ZFAT: variants seen among roughly 807,000 people sequenced by gnomAD.
ZFAT encodes zinc finger and AT-hook domain containing, also known as zinc finger protein ZFAT.
A neutral mutation model predicts 117.7 loss-of-function variants in ZFAT; 64 were observed. The observed-to-expected ratio is 0.54, with a 90% confidence interval of 0.44 to 0.67. The LOEUF (loss-of-function observed/expected upper bound fraction) is 0.67. Among genes scored for constraint, ZFAT ranks in the 30% least tolerant of loss-of-function variants. The pLI is 0.00. For missense variants in ZFAT, 1,433 were observed against 1,584.5 expected, an observed-to-expected ratio of 0.90 and a Z score of 1.62; for synonymous variants, 679 against 615.0, an observed-to-expected ratio of 1.10 and a Z score of -1.54.
the ZFAT span, chr8:134,792,944 A>C: frequency 6.6e-6 from 1 of 152,148 alleles, no homozygotes; most frequent in African/African-American, 2.4e-5. Context: ...AAAGGAAAAA[A>C]GTGTGAAAAA....
chr8:134,623,663 G>A (rs1275849357), intron 3 of ZFAT, among the ~76,000 whole-genome samples: 1 of 152,102 alleles, frequency 6.6e-6, no homozygotes, highest in African/African-American at 2.4e-5. Context: ...CCCACTGCTG[G>A]ATTCAGATGC....
At chr8:134,534,838 C>T (rs1193410624) in intron 11 of ZFAT, among the ~76,000 whole-genome samples, 2 of 151,218 alleles carry the variant, frequency 1.3e-5, no homozygotes, top group Admixed American at 1.3e-4. Flanking sequence ...AATCTTCCAC[C>T]TCACCCCCTG....
chr8:134,712,379 G>C (rs563648693), intron 1 of ZFAT, among the ~76,000 whole-genome samples: 1 of 152,198 alleles, frequency 6.6e-6, no homozygotes, highest in Non-Finnish European at 1.5e-5. Context: ...CGGGTGTCAA[G>C]TGGAAGATCT....
intron 2 of ZFAT, among the ~76,000 whole-genome samples, chr8:134,639,593 C>G (rs762932161): frequency 1.3e-5 from 2 of 152,202 alleles, no homozygotes; most frequent in Non-Finnish European, 2.9e-5. Flanking sequence ...GGAGAACCAG[C>G]CTGTGTGCAA....
chr8:134,549,033 T>G (rs2130682748), intron 11 of ZFAT, among the ~76,000 whole-genome samples: 1 of 152,250 alleles, frequency 6.6e-6, no homozygotes, highest in African/African-American at 2.4e-5. Context: ...TCCATCACAT[T>G]GAATCTCTGA....
At chr8:134,795,945 AT>A in the ZFAT span, 2 of 152,156 alleles carry the variant, frequency 1.3e-5, no homozygotes, top group Non-Finnish European at 2.9e-5. Flanking sequence ...ATTTTGGGGT[AT>A]TGATTTCTGA....
At chr8:134,713,692 G>A (rs1425259786), upstream of ZFAT, among the ~76,000 whole-genome samples, 1 of 152,146 alleles carries the variant, frequency 6.6e-6, no homozygotes. Flanking sequence ...AGGCAGCTGA[G>A]TCTGGTGGAA....
chr8:134,565,733 G>A, intron 10 of ZFAT: 1 of 433,380 alleles, frequency 2.3e-6, no homozygotes, highest in Admixed American at 4.0e-5. Context: ...AGAGAGAAGG[G>A]CATCAAGGGA....
At chr8:134,696,550 T>A (rs991517554) in intron 1 of ZFAT, 1 of 986,102 alleles carries the variant, frequency 1.0e-6, no homozygotes, top group Non-Finnish European at 1.2e-6. Flanking sequence ...CTCAGACTCC[T>A]GCACTCTCCC....
chr8:134,828,322 A>G, the ZFAT span, among the ~76,000 whole-genome samples: 1 of 152,248 alleles, frequency 6.6e-6, no homozygotes, highest in South Asian at 2.1e-4. Context: ...AACCGTGCCC[A>G]GTATCCCGAA....
intron 1 of ZFAT, among the ~76,000 whole-genome samples, chr8:134,681,134 A>C (rs957302148): frequency 6.6e-5 from 10 of 152,222 alleles, no homozygotes; most frequent in Non-Finnish European, 4.4e-5. Context: ...CCAGAGGCAC[A>C]CACAGAATGC....
At chr8:134,636,176 G>A (rs959845420) in intron 3 of ZFAT, among the ~76,000 whole-genome samples, 6 of 152,204 alleles carry the variant, frequency 3.9e-5, no homozygotes, top group African/African-American at 1.4e-4. Flanking sequence ...CAAGAGTCTT[G>A]CTTATTGTAG....
intron 1 of ZFAT, among the ~76,000 whole-genome samples, chr8:134,685,730 C>T (rs1231401136): frequency 6.6e-6 from 1 of 152,186 alleles, no homozygotes; most frequent in East Asian, 1.9e-4. Flanking sequence ...AGACCTTCAT[C>T]AACGGGAGGG....
At chr8:134,502,550 G>A (rs1040772222) in intron 15 of ZFAT, among the ~76,000 whole-genome samples, 10 of 152,166 alleles carry the variant, frequency 6.6e-5, no homozygotes, top group Non-Finnish European at 1.0e-4. Context: ...CAGGCTTCAC[G>A]CTGTATGCTG....
chr8:134,593,852 C>A (rs933356785), intron 7 of ZFAT, among the ~76,000 whole-genome samples: 7 of 152,188 alleles, frequency 4.6e-5, no homozygotes, highest in Admixed American at 2.6e-4. Flanking sequence ...ATGTGTCAGG[C>A]GCTGCAATGA....
chr8:134,589,758 T>C (rs140731962), intron 8 of ZFAT, among the ~76,000 whole-genome samples: 19 of 152,276 alleles, frequency 1.2e-4, no homozygotes, highest in African/African-American at 4.3e-4. Flanking sequence ...ATTAACCAGG[T>C]AGGGCAGAAG....
intron 3 of ZFAT, among the ~76,000 whole-genome samples, chr8:134,619,358 G>A (rs1467039990): frequency 6.6e-6 from 1 of 151,964 alleles, no homozygotes; most frequent in Non-Finnish European, 1.5e-5. Context: ...TCACACCATA[G>A]TAAAGTTGAA....
chr8:134,712,892 A>C lies in ZFAT; in HGVS notation c.-29T>G. On this transcript the variant is annotated 5_prime_UTR_variant, in exon 1 of 16. Coordinates refer to ENST00000377838, the MANE Select transcript of ZFAT (RefSeq NM_020863.4). ...AACGCCCCACCGCGGAGGAAAAAAA[A>C]GCCTCGGGCTCTTCCGGGCCCCCTC... 1 of 1,506,336 alleles carries C rather than the reference A, an allele frequency of 6.6e-7. No individual in the cohort carries two copies. Among genetic ancestry groups the C allele is most frequent in the Non-Finnish European group, 8.9e-7 (1 of 1,127,516 alleles). The allele number at this position is 1,506,336 out of a possible 1,614,324, so 93.3% of individuals were successfully genotyped here. A position where few individuals can be genotyped will look rare whatever the true frequency, so the allele number is the denominator to read the frequency against.
chr8:134,806,993 G>A, the ZFAT span, among the ~76,000 whole-genome samples: 1 of 152,050 alleles, frequency 6.6e-6, no homozygotes, highest in African/African-American at 2.4e-5. Context: ...ACATATTTGC[G>A]GGTCAATTTT....
Sources: allele counts gnomAD v4.1 joint callset (sites outside exome capture counted in the v4.1 genomes callset), GRCh38; gene constraint gnomAD v4.1.1; transcripts MANE v1.5; gene names NCBI Gene and HGNC (gene_info 2026-07-23, HGNC 2026-07-21).